The following SIL1 variants were observed in gnomAD, a reference collection of about 807,000 sequenced individuals.
SIL1 encodes nucleotide exchange factor SIL1.
A neutral mutation model predicts 49.1 loss-of-function variants in SIL1; 40 were observed. That is an observed-to-expected ratio of 0.81 (90% CI 0.63 to 1.06). The LOEUF is 1.06. Among genes scored for constraint, SIL1 ranks in the 50% least tolerant of loss-of-function variants. The pLI is 0.00. For synonymous variants in SIL1, 253 were observed against 250.8 expected, an observed-to-expected ratio of 1.01 and a Z score of -0.08; for missense variants, 500 against 572.6, an observed-to-expected ratio of 0.87 and a Z score of 1.29.
At chr5:139,119,757 T>C (rs1750571713) in intron 3 of SIL1, among the ~76,000 whole-genome samples, 1 of 152,068 alleles carries the variant, frequency 6.6e-6, no homozygotes, top group Non-Finnish European at 1.5e-5. Flanking sequence ...CAAGACCCTG[T>C]CTCAAAAAAG....
At chr5:139,040,325 T>A (rs1340324610) in intron 5 of SIL1, among the ~76,000 whole-genome samples, 1 of 152,010 alleles carries the variant, frequency 6.6e-6, no homozygotes, top group Non-Finnish European at 1.5e-5. Flanking sequence ...ACTTAGCACC[T>A]CAGTGATGGT....
chr5:139,064,919 C>T (rs1226731710), intron 3 of SIL1, among the ~76,000 whole-genome samples: 1 of 152,184 alleles, frequency 6.6e-6, no homozygotes, highest in East Asian at 1.9e-4. Flanking sequence ...AGGAGATGCT[C>T]AGAGCTGACA....
intron 1 of SIL1, among the ~76,000 whole-genome samples, chr5:139,135,424 A>AGCTACAGAGAGCTACAAAATCCACCGT (rs1750954427): frequency 4.6e-5 from 7 of 152,176 alleles, no homozygotes; most frequent in Admixed American, 4.6e-4. Flanking sequence ...AGCTACAAAG[A>AGCTACAGAGAGCTACAAAATCCACCGT]GCTACAGAGA....
chr5:139,182,216 G>A (rs1751997371), intron 1 of SIL1, among the ~76,000 whole-genome samples: 1 of 152,146 alleles, frequency 6.6e-6, no homozygotes, highest in Non-Finnish European at 1.5e-5. Flanking sequence ...GGTCCACGCA[G>A]CACAAAAAGG....
At chr5:139,164,936 T>C (rs1398578544) in intron 1 of SIL1, among the ~76,000 whole-genome samples, 1 of 152,168 alleles carries the variant, frequency 6.6e-6, no homozygotes, top group East Asian at 1.9e-4. Context: ...AAAATAAAAA[T>C]ATTTTACCCC....
At chr5:138,984,580 A>G (rs1036786670) in intron 7 of SIL1, among the ~76,000 whole-genome samples, 1 of 151,988 alleles carries the variant, frequency 6.6e-6, no homozygotes, top group South Asian at 2.1e-4. Flanking sequence ...GCTGGTCTCA[A>G]ACTCCTGACC....
chr5:139,190,622 A>C (rs1752150701), intron 1 of SIL1, among the ~76,000 whole-genome samples: 1 of 152,170 alleles, frequency 6.6e-6, no homozygotes, highest in South Asian at 2.1e-4. Flanking sequence ...AAAAGATCCT[A>C]CCATTACGTG....
intron 7 of SIL1, among the ~76,000 whole-genome samples, chr5:138,983,661 T>C (rs1201803587): frequency 6.6e-6 from 1 of 151,774 alleles, no homozygotes; most frequent in Non-Finnish European, 1.5e-5. Flanking sequence ...AACCACCCAC[T>C]CTACCCTGCC....
intron 9 of SIL1, among the ~76,000 whole-genome samples, chr5:138,949,236 C>T (rs1055098621): frequency 6.6e-6 from 1 of 152,348 alleles, no homozygotes; most frequent in African/African-American, 2.4e-5. Context: ...CCCAGGCAGG[C>T]ATCTCACCAC....
rs1382037865 is a variant in SIL1, at chr5:139,026,867, A to G, written c.579T>C (p.Asn193=). Residue 193 remains asparagine, a synonymous_variant, in exon 6 of 10, where the codon AAT becomes AAC. Transcript: ENST00000394817. Reference sequence around the variant, plus strand: ...TCTCTTCCAAACTGGAGCTGGAACTATTGAACTTGTTGATCAGCCGTACCA... The same window carrying G: ...TCTCTTCCAAACTGGAGCTGGAACTGTTGAACTTGTTGATCAGCCGTACCA... The part of the protein sequence containing the change: ...QIMVRLINKF[N]SSSSSLEEKI... The G allele has an allele frequency of 5.6e-6, 9 of 1,614,134 alleles. No homozygotes were observed. The highest frequency in any genetic ancestry group is 7.6e-6 in the Non-Finnish European group (9 of 1,180,062).
At chr5:139,186,857 TA>T (rs918082134) in intron 1 of SIL1, among the ~76,000 whole-genome samples, 1 of 152,186 alleles carries the variant, frequency 6.6e-6, no homozygotes, top group Non-Finnish European at 1.5e-5. Flanking sequence ...ATTGAGTGTA[TA>T]AGGCTTACTC....
At chr5:139,027,046 T>A (rs1768673913) in intron 5 of SIL1, 54 bp from the exon 6 acceptor site, 2 of 1,578,986 alleles carry the variant, frequency 1.3e-6, no homozygotes, top group Non-Finnish European at 1.7e-6. Context: ...CTGCCCAAGA[T>A]GTCTGTGGTC....
chr5:139,084,702 T>C (rs1388101926), intron 3 of SIL1, among the ~76,000 whole-genome samples: 3 of 141,916 alleles, frequency 2.1e-5, no homozygotes, highest in Non-Finnish European at 4.6e-5. Context: ...CATTAGTGGG[T>C]GCAGCGCACC....
Position 139,186,132 on chromosome 5 carries a change from C to A in SIL1, c.-11+12137G>T, listed in dbSNP as rs77467079. Among the ~76,000 whole-genome samples, 1,101 of 152,248 alleles carry A rather than the reference C, an allele frequency of 7.2e-3. 16 individuals are homozygous for A. Among genetic ancestry groups the A allele is most frequent in the African/African-American group, 0.024 (1,012 of 41,538 alleles). ...CAAACCTGCCTCAGTGGAAGCTGAGCAAAAGGGCAAAAAGTGCAAAAGTTC... is the reference window on the plus strand; with the variant it reads ...CAAACCTGCCTCAGTGGAAGCTGAGAAAAAGGGCAAAAAGTGCAAAAGTTC... On this transcript the variant is annotated intron_variant, in intron 1 of 9. Coordinates refer to ENST00000394817, the MANE Select transcript of SIL1 (RefSeq NM_022464.5).
chr5:139,143,774 T>C (rs1287115291), intron 1 of SIL1, among the ~76,000 whole-genome samples: 2 of 152,146 alleles, frequency 1.3e-5, no homozygotes, highest in African/African-American at 4.8e-5. Context: ...CAAAAATCAG[T>C]TGTATTTCTA....
intron 7 of SIL1, among the ~76,000 whole-genome samples, chr5:138,981,230 A>T (rs1394581414): frequency 1.3e-5 from 2 of 151,574 alleles, no homozygotes; most frequent in Non-Finnish European, 2.9e-5. Flanking sequence ...AAAAAAAAAA[A>T]AAAGTTTACC....
chr5:139,169,513 A>G (rs1305080011), intron 1 of SIL1, among the ~76,000 whole-genome samples: 8 of 139,094 alleles, frequency 5.8e-5, no homozygotes, highest in African/African-American at 2.2e-4. Context: ...GTCTTGCTCT[A>G]TTGCCCAGGC....
At chr5:138,976,310 C>CTTTTT (rs542941622) in intron 7 of SIL1, among the ~76,000 whole-genome samples, 3 of 134,422 alleles carry the variant, frequency 2.2e-5, no homozygotes, top group African/African-American at 2.9e-5. Flanking sequence ...TATTACCTCT[C>CTTTTT]TTTTTTTTTT....
intron 1 of SIL1, among the ~76,000 whole-genome samples, chr5:139,196,720 AGAAAGGG>A (rs1437394940): frequency 6.6e-6 from 1 of 152,214 alleles, no homozygotes; most frequent in Non-Finnish European, 1.5e-5. Context: ...AACAAATGAA[AGAAAGGG>A]GAAATAAATG....
Sources: gnomAD v4.1 joint callset for allele counts (sites outside exome capture counted in the v4.1 genomes callset) on GRCh38, gnomAD v4.1.1 for gene constraint, MANE v1.5 for transcripts, NCBI Gene and HGNC (gene_info 2026-07-23, HGNC 2026-07-21) for gene names.